The following CWF19L2 variants were observed in gnomAD, a reference collection of about 807,000 sequenced individuals.
CWF19L2 encodes CWF19 like cell cycle control factor 2.
A neutral mutation model predicts 111.7 loss-of-function variants in CWF19L2; 98 were observed. The ratio of observed to expected loss-of-function variants is 0.88; its 90% CI spans 0.75 to 1.04. The LOEUF is 1.04. Ranked by LOEUF, CWF19L2 falls within the 50% of genes least tolerant of loss-of-function variation. The pLI, the probability that CWF19L2 is intolerant of heterozygous loss-of-function variation, is 0.00. For synonymous variants in CWF19L2, 351 were observed against 342.9 expected, an observed-to-expected ratio of 1.02 and a Z score of -0.26; for missense variants, 1,101 against 1,051.4, an observed-to-expected ratio of 1.05 and a Z score of -0.65.
intron 6 of CWF19L2, among the ~76,000 whole-genome samples, chr11:107,434,076 T>C (rs1324897553): frequency 6.6e-6 from 1 of 151,560 alleles, no homozygotes; most frequent in Non-Finnish European, 1.5e-5. Flanking sequence ...AAAGATATAA[T>C]GGACTCTAGA....
chr11:107,432,359 C>T (rs1425564040), intron 7 of CWF19L2, among the ~76,000 whole-genome samples: 20 of 152,140 alleles, frequency 1.3e-4, no homozygotes, highest in Admixed American at 1.2e-3. Context: ...GGGCAGATCA[C>T]GAGGTCAGGA....
chr11:107,390,980 T>G (rs960363927), intron 11 of CWF19L2, among the ~76,000 whole-genome samples: 2 of 152,176 alleles, frequency 1.3e-5, no homozygotes, highest in African/African-American at 4.8e-5. Flanking sequence ...CTTTCTCCCA[T>G]GCTGGATGCT....
At chr11:107,358,898 G>A (rs1161283238) in intron 12 of CWF19L2, among the ~76,000 whole-genome samples, 1 of 152,134 alleles carries the variant, frequency 6.6e-6, no homozygotes, top group African/African-American at 2.4e-5. Context: ...ATATTTGGCT[G>A]GATGGTCAGG....
At chr11:107,353,826 TC>T in intron 12 of CWF19L2, 90 bp from the exon 13 acceptor site, 1 of 924,844 alleles carries the variant, frequency 1.1e-6, no homozygotes, top group South Asian at 1.6e-5. Flanking sequence ...ATCTGTAAGT[TC>T]TATGATAAAA....
At position 107,392,789 on chromosome 11, in the gene CWF19L2, T is replaced by C. The variant is rs183343227; in HGVS notation, c.1724A>G (p.Lys575Arg). The C allele has an allele frequency of 2.2e-5, 34 of 1,581,298 alleles. No homozygotes were observed. The East Asian group carries it at 7.2e-4, about 33-fold the overall frequency. Residue 575 changes from lysine (K) to arginine (R), a missense_variant, in exon 11 of 18, where the codon AAG (lysine) becomes AGG (arginine). Physicochemically the swap from Lys to Arg is conservative, Grantham distance 26. Transcript: ENST00000282251. Reference sequence around the variant, plus strand: ...ATATGTTAAACATACCATCTGTCTCTTTCTTCTTCCTCCTTGTGATTCCAG... The same window carrying C: ...ATATGTTAAACATACCATCTGTCTCCTTCTTCTTCCTCCTTGTGATTCCAG... ...KSLESQGGRR[K>R]RQMVSTHEER...
At chr11:107,362,863 T>C (rs1490211652) in intron 12 of CWF19L2, among the ~76,000 whole-genome samples, 1 of 151,810 alleles carries the variant, frequency 6.6e-6, no homozygotes, top group Non-Finnish European at 1.5e-5. Flanking sequence ...CTTCAGACGA[T>C]CAAATTACTC....
chr11:107,423,216 A>T (rs1861326096), intron 8 of CWF19L2, among the ~76,000 whole-genome samples: 1 of 152,006 alleles, frequency 6.6e-6, no homozygotes, highest in Non-Finnish European at 1.5e-5. Context: ...GTAATTTACC[A>T]GAATTTCTGG....
At chr11:107,442,825 G>A (rs1209309219) in intron 4 of CWF19L2, 114 bp downstream of exon 4, 22 of 483,514 alleles carry the variant, frequency 4.6e-5, no homozygotes, top group South Asian at 1.4e-4. Flanking sequence ...GGAGGGGGAG[G>A]GAGGGAGAGA....
At chr11:107,349,105 AT>A in intron 13 of CWF19L2, 52 bp from the exon 14 acceptor site, 1 of 903,452 alleles carries the variant, frequency 1.1e-6, no homozygotes, top group Non-Finnish European at 1.7e-6. Context: ...TATATGTTAT[AT>A]ATTTATATGT....
At chr11:107,346,782 G>C (rs114623203) in intron 14 of CWF19L2, among the ~76,000 whole-genome samples, 543 of 152,278 alleles carry the variant, frequency 3.6e-3, no homozygotes, top group African/African-American at 0.012. Flanking sequence ...CTTAATGTCC[G>C]TACATGTTCA....
At chr11:107,431,496 C>T (rs1205762043) in intron 7 of CWF19L2, among the ~76,000 whole-genome samples, 3 of 151,928 alleles carry the variant, frequency 2.0e-5, no homozygotes, top group African/African-American at 7.2e-5. Flanking sequence ...TTTATCTATA[C>T]ATTTAGTTAA....
Position 107,336,647 on chromosome 11 carries a change from T to C in CWF19L2, c.2269A>G (p.Asn757Asp), listed in dbSNP as rs769519401. ...TGATACTGTTTCTTCATGCTCATAT[T>C]AGTTTCCAAAAAAATGCAGTCTAAT... ...KGLDCIFLET[N>D]MSMKKQYHMV... Residue 757 changes from asparagine to aspartate, a missense_variant, in exon 15 of 18, where the codon AAT (asparagine) becomes GAT (aspartate). Transcript: ENST00000282251. The C allele has an allele frequency of 6.3e-7, 1 of 1,598,048 alleles. No homozygotes were observed. Among genetic ancestry groups the C allele is most frequent in the South Asian group, 1.1e-5 (1 of 88,490 alleles).
At chr11:107,360,053 T>A (rs976803718) in intron 12 of CWF19L2, among the ~76,000 whole-genome samples, 1 of 152,232 alleles carries the variant, frequency 6.6e-6, no homozygotes, top group African/African-American at 2.4e-5. Context: ...AAAGTATTCA[T>A]CACTCAAATA....
intron 4 of CWF19L2, among the ~76,000 whole-genome samples, chr11:107,441,906 A>T (rs1861623858): frequency 6.6e-6 from 1 of 152,200 alleles, no homozygotes; most frequent in Non-Finnish European, 1.5e-5. Context: ...GGCACACAAC[A>T]AGCAATCAAA....
At chr11:107,404,215 T>C (rs1391904752) in intron 10 of CWF19L2, 1 of 777,446 alleles carries the variant, frequency 1.3e-6, no homozygotes, top group Admixed American at 1.7e-5. Flanking sequence ...CATAAATTCA[T>C]TGTACTCTTT....
At chr11:107,394,467 C>T (rs575867131) in intron 10 of CWF19L2, among the ~76,000 whole-genome samples, 2 of 152,268 alleles carry the variant, frequency 1.3e-5, no homozygotes, top group Admixed American at 1.3e-4. Context: ...TTGTCATCTT[C>T]CCTGATTTGA....
chr11:107,434,086 A>G (rs963296929), intron 6 of CWF19L2, among the ~76,000 whole-genome samples: 3 of 151,730 alleles, frequency 2.0e-5, no homozygotes, highest in Admixed American at 1.3e-4. Context: ...TGGACTCTAG[A>G]AAGTAGGAGG....
At chr11:107,430,351 A>AAAT in intron 7 of CWF19L2, among the ~76,000 whole-genome samples, 1 of 152,166 alleles carries the variant, frequency 6.6e-6, no homozygotes, top group Admixed American at 6.5e-5. Context: ...AATAATAAGT[A>AAAT]AATAATAGAA....
intron 8 of CWF19L2, among the ~76,000 whole-genome samples, chr11:107,427,463 T>G (rs974722868): frequency 3.9e-5 from 6 of 152,122 alleles, no homozygotes; most frequent in Admixed American, 3.9e-4. Context: ...GCCTGTATTA[T>G]AGTGTATCTA....
Sources: allele counts gnomAD v4.1 joint callset (sites outside exome capture counted in the v4.1 genomes callset), GRCh38; gene constraint gnomAD v4.1.1; transcripts MANE v1.5; gene names NCBI Gene and HGNC (gene_info 2026-07-23, HGNC 2026-07-21).